SCAND3: variants seen among roughly 807,000 people sequenced by gnomAD.
The protein encoded by SCAND3 is SCAN domain containing 3.
At chr6:28,598,681 C>G in the SCAND3 span, among the ~76,000 whole-genome samples, 2 of 122,552 alleles carry the variant, frequency 1.6e-5, no homozygotes, top group African/African-American at 5.8e-5. Context: ...CCTGTTTCTA[C>G]TAAAAATAAA....
the SCAND3 span, chr6:28,589,414 G>GT: frequency 6.6e-6 from 1 of 152,034 alleles, no homozygotes; most frequent in Non-Finnish European, 1.5e-5. Context: ...TCTGGACTTT[G>GT]AATCCAGCAA....
At chr6:28,600,408 G>A in the SCAND3 span, among the ~76,000 whole-genome samples, 5 of 152,126 alleles carry the variant, frequency 3.3e-5, no homozygotes, top group African/African-American at 9.7e-5. Context: ...TAAGGCAGGC[G>A]GACTACTTGA....
the SCAND3 span, chr6:28,590,906 T>C: frequency 1.3e-5 from 2 of 152,230 alleles, no homozygotes; most frequent in Non-Finnish European, 2.9e-5. Context: ...CATTTTCTTG[T>C]GGTGTTGCCT....
the SCAND3 span, among the ~76,000 whole-genome samples, chr6:28,605,937 A>G: frequency 0.02 from 3,054 of 152,334 alleles, 44 homozygotes; most frequent in African/African-American, 0.04. Flanking sequence ...AATATTTTTC[A>G]TTAAAGAAGA....
chr6:28,613,419 T>C, the SCAND3 span, among the ~76,000 whole-genome samples: 2 of 152,216 alleles, frequency 1.3e-5, no homozygotes, highest in South Asian at 4.1e-4. Context: ...AGACTAGATA[T>C]TTCATATAAC....
At chr6:28,591,165 G>A in the SCAND3 span, 1 of 152,210 alleles carries the variant, frequency 6.6e-6, no homozygotes, top group African/African-American at 2.4e-5. Flanking sequence ...TTTATCCCAA[G>A]CCTCTAAATT....
chr6:28,584,353 T>C, the SCAND3 span, among the ~76,000 whole-genome samples: 3 of 149,740 alleles, frequency 2.0e-5, no homozygotes, highest in Non-Finnish European at 3.0e-5. Context: ...AATTTTTTTC[T>C]CTTGCAATGT....
chr6:28,593,413 G>C, the SCAND3 span: 1 of 150,952 alleles, frequency 6.6e-6, no homozygotes, highest in Non-Finnish European at 1.5e-5. Flanking sequence ...GGTGGCTCAC[G>C]CCTCTAATCC....
the SCAND3 span, chr6:28,591,389 A>G: frequency 2.6e-5 from 4 of 152,204 alleles, no homozygotes; most frequent in African/African-American, 9.7e-5. Context: ...GTGGGTATTT[A>G]TAAAAACTCC....
chr6:28,572,661 A>T, the SCAND3 span: 1 of 1,614,080 alleles, frequency 6.2e-7, no homozygotes, highest in Non-Finnish European at 8.5e-7. This position sits in a 1 kb window ranked among gnomAD's most constrained non-coding sequence, Gnocchi z 4.1. Flanking sequence ...CTAAGAGTTC[A>T]TTTCGTATTT....
the SCAND3 span, among the ~76,000 whole-genome samples, chr6:28,597,390 G>A: frequency 6.6e-6 from 1 of 152,332 alleles, no homozygotes; most frequent in Non-Finnish European, 1.5e-5. Flanking sequence ...TGGATTAGCA[G>A]TCCATCGCCT....
the SCAND3 span, chr6:28,575,851 T>A: frequency 6.2e-7 from 1 of 1,614,108 alleles, no homozygotes; most frequent in Non-Finnish European, 8.5e-7. This position sits in a 1 kb window ranked among gnomAD's most constrained non-coding sequence, Gnocchi z 4.2. Context: ...AATTAGCTTC[T>A]CATTTCCTTG....
the SCAND3 span, chr6:28,593,456 C>A: frequency 2.6e-5 from 4 of 151,886 alleles, no homozygotes; most frequent in Non-Finnish European, 4.4e-5. Context: ...GGGCGGATCA[C>A]CTGAGGTCAG....
the SCAND3 span, chr6:28,574,983 G>C: frequency 6.2e-7 from 1 of 1,613,534 alleles, no homozygotes; most frequent in Non-Finnish European, 8.5e-7. Context: ...TATCACTACT[G>C]TCTGTTCCAG....
At chr6:28,602,553 C>G in the SCAND3 span, among the ~76,000 whole-genome samples, 1 of 152,218 alleles carries the variant, frequency 6.6e-6, no homozygotes, top group Non-Finnish European at 1.5e-5. Context: ...ATAATGACCT[C>G]TCTTTCTTCT....
chr6:28,592,480 T>C, the SCAND3 span, among the ~76,000 whole-genome samples: 1 of 152,116 alleles, frequency 6.6e-6, no homozygotes, highest in African/African-American at 2.4e-5. The surrounding 1 kb of genome is among the most constrained non-coding windows in gnomAD (Gnocchi z 4.1). Context: ...AGAATTAATA[T>C]CGTTAAAATG....
the SCAND3 span, chr6:28,575,222 A>T: frequency 6.2e-7 from 1 of 1,613,902 alleles, no homozygotes; most frequent in African/African-American, 1.3e-5. This position sits in a 1 kb window ranked among gnomAD's most constrained non-coding sequence, Gnocchi z 4.2. Flanking sequence ...AATTCAGTCC[A>T]GTGTGATGAG....
At chr6:28,587,749 T>C in the SCAND3 span, 1 of 151,708 alleles carries the variant, frequency 6.6e-6, no homozygotes, top group Non-Finnish European at 1.5e-5. Context: ...GTTAGTCCAT[T>C]GTTTCCATTT....
chr6:28,576,832 G>A, the SCAND3 span, among the ~76,000 whole-genome samples: 2 of 147,524 alleles, frequency 1.4e-5, no homozygotes, highest in Non-Finnish European at 1.5e-5. Context: ...GGATGGTCTC[G>A]ATCTCCTGAC....
Sources: gnomAD v4.1 joint callset for allele counts (sites outside exome capture counted in the v4.1 genomes callset) on GRCh38, gnomAD v4.1.1 for gene constraint, Gnocchi (gnomAD v3.1) non-coding constraint, MANE v1.5 for transcripts, NCBI Gene and HGNC (gene_info 2026-07-23, HGNC 2026-07-21) for gene names.